Variants in UST observed in about 807,000 individuals in gnomAD.
The protein encoded by UST is chondroitin sulfate 2-O-sulfotransferase.
In UST, 21 loss-of-function variants were observed where a neutral mutation model predicts 45.6. The observed-to-expected ratio is 0.46, with a 90% CI of 0.33 to 0.66. The LOEUF is 0.66. UST is among the 30% of genes least tolerant of loss of function. The probability of loss-of-function intolerance (pLI) is 0.02; values close to 1 mark genes in which losing one functional copy is unlikely to be tolerated. For missense variants in UST, 463 were observed against 512.4 expected, an observed-to-expected ratio of 0.90 and a Z score of 0.93; for synonymous variants, 215 against 200.6, an observed-to-expected ratio of 1.07 and a Z score of -0.61.
intron 1 of UST, among the ~76,000 whole-genome samples, chr6:148,809,060 A>C (rs1290184940): frequency 6.6e-6 from 1 of 152,368 alleles, no homozygotes; most frequent in Admixed American, 6.5e-5. Context: ...GCAACTAATC[A>C]TCACCTTGTA....
chr6:149,067,276 C>T (rs571319434), intron 7 of UST, among the ~76,000 whole-genome samples: 1 of 152,254 alleles, frequency 6.6e-6, no homozygotes, highest in East Asian at 1.9e-4. Flanking sequence ...GGGGAGGTGA[C>T]TGAAGGCAAT....
chr6:148,952,421 A>G (rs964851432), intron 3 of UST, among the ~76,000 whole-genome samples: 4 of 152,244 alleles, frequency 2.6e-5, no homozygotes, highest in African/African-American at 9.6e-5. Flanking sequence ...CACAGGGTTT[A>G]TGAACTGCGA....
intron 5 of UST, among the ~76,000 whole-genome samples, chr6:148,972,372 G>A (rs12197795): frequency 7.9e-4 from 120 of 152,112 alleles, no homozygotes; most frequent in African/African-American, 2.6e-3. Flanking sequence ...TGTTCCAAGT[G>A]AAGTGACACT....
At chr6:148,956,057 C>T (rs1015022731) in intron 4 of UST, 22 of 152,240 alleles carry the variant, frequency 1.4e-4, no homozygotes, top group African/African-American at 4.1e-4. Flanking sequence ...CTGGCCTGGC[C>T]GTCAGGACCT....
intron 1 of UST, among the ~76,000 whole-genome samples, chr6:148,778,007 G>A (rs1043161845): frequency 6.6e-6 from 1 of 152,152 alleles, no homozygotes; most frequent in African/African-American, 2.4e-5. Flanking sequence ...CTAGGTTTAT[G>A]CAGGTTCACG....
At chr6:148,952,522 A>G (rs1330367701) in intron 3 of UST, among the ~76,000 whole-genome samples, 1 of 152,234 alleles carries the variant, frequency 6.6e-6, no homozygotes, top group Non-Finnish European at 1.5e-5. Context: ...ATCCTAGTGT[A>G]ATAATCTATA....
At chr6:149,055,894 A>G (rs1021880921) in intron 7 of UST, among the ~76,000 whole-genome samples, 1 of 152,184 alleles carries the variant, frequency 6.6e-6, no homozygotes, top group African/African-American at 2.4e-5. Flanking sequence ...AGTTCAGCTC[A>G]AGAAGTCATC....
At chr6:148,848,116 G>A (rs1582849594) in intron 1 of UST, among the ~76,000 whole-genome samples, 1 of 152,314 alleles carries the variant, frequency 6.6e-6, no homozygotes, top group East Asian at 1.9e-4. Flanking sequence ...TGTCACACCT[G>A]TTGGGAGAAT....
chr6:148,843,940 C>T (rs1001259199), intron 1 of UST, among the ~76,000 whole-genome samples: 3 of 152,110 alleles, frequency 2.0e-5, no homozygotes, highest in South Asian at 2.1e-4. Flanking sequence ...CGTTGAGCCC[C>T]GTGAAAGCTG....
chr6:148,752,122 A>G (rs1776003411), intron 1 of UST, among the ~76,000 whole-genome samples: 1 of 152,234 alleles, frequency 6.6e-6, no homozygotes, highest in Admixed American at 6.5e-5. Flanking sequence ...CTTTACGTAT[A>G]TTATATATGA....
At chr6:148,824,965 T>C (rs980443007) in intron 1 of UST, among the ~76,000 whole-genome samples, 3 of 150,872 alleles carry the variant, frequency 2.0e-5, no homozygotes, top group African/African-American at 7.3e-5. Flanking sequence ...TTACTGAGAA[T>C]GATGGTTTCC....
At chr6:148,868,724 AC>A (rs1175428559) in intron 1 of UST, among the ~76,000 whole-genome samples, 1 of 151,698 alleles carries the variant, frequency 6.6e-6, no homozygotes, top group African/African-American at 2.4e-5. Context: ...CCCAGGTATA[AC>A]CCCCCCATCA....
chr6:148,792,537 C>G (rs915808740), intron 1 of UST, among the ~76,000 whole-genome samples: 1 of 152,206 alleles, frequency 6.6e-6, no homozygotes, highest in African/African-American at 2.4e-5. Context: ...AAAGTGCCTT[C>G]CCTGTGTCAC....
chr6:148,776,138 C>G (rs1776531234), intron 1 of UST, among the ~76,000 whole-genome samples: 2 of 152,048 alleles, frequency 1.3e-5, no homozygotes, highest in Non-Finnish European at 2.9e-5. Flanking sequence ...TTTGCCTCCT[C>G]TGAAGGAAAA....
At chr6:148,826,600 G>A (rs1777572653) in intron 1 of UST, among the ~76,000 whole-genome samples, 1 of 151,912 alleles carries the variant, frequency 6.6e-6, no homozygotes, top group African/African-American at 2.4e-5. Flanking sequence ...AATTTTCTGG[G>A]CAATCATTGG....
At chr6:149,073,755 G>A in intron 7 of UST, 78 bp from the exon 8 acceptor site, 1 of 1,538,020 alleles carries the variant, frequency 6.5e-7, no homozygotes, top group Non-Finnish European at 8.8e-7. Context: ...GAGTTGTACA[G>A]GTAATGTGGG....
chr6:149,041,300 G>A (rs1776310566), intron 7 of UST, among the ~76,000 whole-genome samples: 1 of 152,242 alleles, frequency 6.6e-6, no homozygotes, highest in Non-Finnish European at 1.5e-5. Context: ...TGGCTCACTA[G>A]TGGGCAAAGA....
intron 2 of UST, among the ~76,000 whole-genome samples, chr6:148,904,035 A>T (rs1312066919): frequency 6.6e-6 from 1 of 152,212 alleles, no homozygotes; most frequent in African/African-American, 2.4e-5. Context: ...GCAAAGACTA[A>T]ATTAATTATG....
At chr6:148,895,769 A>G (rs746056795) in intron 2 of UST, among the ~76,000 whole-genome samples, 1 of 152,184 alleles carries the variant, frequency 6.6e-6, no homozygotes, top group Non-Finnish European at 1.5e-5. Context: ...CATGATCGTG[A>G]GGCCTCCTTA....
Sources: gnomAD v4.1 joint callset for allele counts (sites outside exome capture counted in the v4.1 genomes callset) on GRCh38, gnomAD v4.1.1 for gene constraint, MANE v1.5 for transcripts, NCBI Gene and HGNC (gene_info 2026-07-23, HGNC 2026-07-21) for gene names.